Variants in ZNF208 observed in about 807,000 individuals in gnomAD.
The protein encoded by ZNF208 is zinc finger protein 208.
ZNF208 carries 10 observed loss-of-function variants against 12.1 expected under a neutral mutation model. The observed-to-expected ratio is 0.83, with a 90% CI of 0.51 to 1.40. The LOEUF (loss-of-function observed/expected upper bound fraction) is 1.40. ZNF208 is among the 40% of genes most tolerant of loss of function. The pLI is 0.00. For missense variants in ZNF208, 1,652 were observed against 1,485.0 expected (o/e 1.11, Z -1.85); for synonymous variants, 497 against 488.4 (o/e 1.02, Z -0.23).
rs1003430340 is a variant in ZNF208 at position 21,990,604 on chromosome 19, A to T, written c.4-1695T>A. On this transcript the variant is annotated intron_variant, in intron 1 of 3. Coordinates refer to ENST00000397126, the MANE Select transcript of ZNF208 (RefSeq NM_007153.3). ...CTTTTTTGGTTCCATATGAATTTTA[A>T]AGTAGTTTTTTCCAATTCTGTGAAG... Among the ~76,000 whole-genome samples the T allele has an allele frequency of 2.4e-4, 37 of 152,076 alleles. 1 individual carries two copies. Among genetic ancestry groups the T allele is most frequent in the Non-Finnish European group, 8.8e-5 (6 of 68,008 alleles).
chr19:22,002,493 T>C (rs62112871), intron 1 of ZNF208, among the ~76,000 whole-genome samples: 24,489 of 151,956 alleles, frequency 0.16, 2,147 homozygotes, highest in Middle Eastern at 0.2. Flanking sequence ...ACAACTTCAG[T>C]AAAGTCTCAG....
chr19:22,000,039 C>T (rs1160157816), intron 1 of ZNF208, among the ~76,000 whole-genome samples: 1 of 152,134 alleles, frequency 6.6e-6, no homozygotes, highest in Non-Finnish European at 1.5e-5. Context: ...TATAAAAAAA[C>T]TCCATGGGTT....
At chr19:21,994,294 C>T (rs946269899) in intron 1 of ZNF208, among the ~76,000 whole-genome samples, 7 of 152,110 alleles carry the variant, frequency 4.6e-5, no homozygotes, top group Admixed American at 1.3e-4. Flanking sequence ...AAAGTAAGAT[C>T]CTATAATACA....
Position 21,966,430 on chromosome 19 carries a change from A to G in ZNF208, c.*4761T>C, listed in dbSNP as rs1239999735. On this transcript the variant is annotated 3_prime_UTR_variant, in exon 4 of 4. Transcript: ENST00000397126. ...AGCTGCATTCATGTTGCTGCAAAAG[A>G]CGTTACTTCATTCTCTTCTGTTGCT... 1 of 152,148 alleles carries G rather than the reference A, an allele frequency of 6.6e-6. No individual in the cohort carries two copies. Among genetic ancestry groups the G allele is most frequent in the East Asian group, 1.9e-4 (1 of 5,200 alleles). 9.4% of individuals were successfully genotyped at this position (152,148 alleles called of 1,614,324 possible).
At chr19:21,993,144 C>T (rs1568453884) in intron 1 of ZNF208, among the ~76,000 whole-genome samples, 1 of 152,132 alleles carries the variant, frequency 6.6e-6, no homozygotes, top group Non-Finnish European at 1.5e-5. Context: ...AAGAGATTAA[C>T]AAAGAGTAGC....
At chr19:21,992,712 T>C (rs1385248417) in intron 1 of ZNF208, among the ~76,000 whole-genome samples, 1 of 152,204 alleles carries the variant, frequency 6.6e-6, no homozygotes, top group East Asian at 1.9e-4. Flanking sequence ...GATTTCTGCA[T>C]GGCATAGAAG....
At chr19:21,965,760 C>G (rs554910377), downstream of ZNF208, 18 of 150,672 alleles carry the variant, frequency 1.2e-4, no homozygotes, top group African/African-American at 4.4e-4. Flanking sequence ...AGTAATTTAG[C>G]ATAATTTTTA....
At position 21,972,328 on chromosome 19, in the gene ZNF208, G is replaced by A. The variant is rs554213637; in HGVS notation, c.2706C>T (p.Ser902=). The part of the protein sequence containing the change: ...EECGKGFSMF[S]ILTKHEVIHT... ...GAATTACCTCATGTTTAGTAAGGATGGAGAACATACTAAAACCTTTGCCAC... is the reference window on the plus strand; with the variant it reads ...GAATTACCTCATGTTTAGTAAGGATAGAGAACATACTAAAACCTTTGCCAC... The change falls in exon 4 of 4, where the codon TCC becomes TCT. Residue 902 remains serine, a synonymous_variant. Coordinates refer to ENST00000397126, the MANE Select transcript of ZNF208 (RefSeq NM_007153.3). 6.4e-7 allele frequency: 1 copy of A among 1,568,624 alleles called. No homozygotes were observed. The highest frequency in any genetic ancestry group is 2.3e-5 in the East Asian group (1 of 43,030).
intron 4 of ZNF208, among the ~76,000 whole-genome samples, chr19:21,960,795 C>G (rs4932854): frequency 0.14 from 21,740 of 152,138 alleles, 1,700 homozygotes; most frequent in Admixed American, 0.22. Context: ...CTGTGTGAAA[C>G]TAGAAAAAGA....
chr19:21,980,535 C>T (rs1481090532), intron 3 of ZNF208, among the ~76,000 whole-genome samples: 1 of 152,064 alleles, frequency 6.6e-6, no homozygotes, highest in Non-Finnish European at 1.5e-5. Context: ...AACAAAGACA[C>T]AACACACCAG....
At chr19:21,964,750 T>C (rs1970135478), downstream of ZNF208, among the ~76,000 whole-genome samples, 2 of 151,866 alleles carry the variant, frequency 1.3e-5, no homozygotes, top group Admixed American at 1.3e-4. Context: ...GAGTGGTCTA[T>C]AGTTTCTGAG....
chr19:21,962,855 A>T (rs553783768), downstream of ZNF208, among the ~76,000 whole-genome samples: 1 of 152,118 alleles, frequency 6.6e-6, no homozygotes, highest in Non-Finnish European at 1.5e-5. Flanking sequence ...TTTGACCAAA[A>T]TCTAGCAAAC....
chr19:21,962,600 T>G (rs1460104481), downstream of ZNF208, among the ~76,000 whole-genome samples: 2 of 152,128 alleles, frequency 1.3e-5, no homozygotes, highest in East Asian at 3.9e-4. Flanking sequence ...AAAAAAGAGA[T>G]GCAAAGAAGA....
intron 1 of ZNF208, among the ~76,000 whole-genome samples, chr19:22,000,933 G>C (rs1159609159): frequency 6.6e-6 from 1 of 151,976 alleles, no homozygotes; most frequent in Non-Finnish European, 1.5e-5. Flanking sequence ...ACGAAATCTA[G>C]AAGAAATGAA....
downstream of ZNF208, among the ~76,000 whole-genome samples, chr19:21,962,301 G>A (rs886976969): frequency 1.3e-5 from 2 of 152,102 alleles, no homozygotes; most frequent in African/African-American, 4.8e-5. Context: ...CTGAGGTCTA[G>A]CTGTATGGTG....
At chr19:21,976,060 A>G (rs1173585167) in intron 3 of ZNF208, among the ~76,000 whole-genome samples, 3 of 152,118 alleles carry the variant, frequency 2.0e-5, no homozygotes, top group Non-Finnish European at 4.4e-5. Context: ...ATTTTCTAGG[A>G]AAGACATGCA....
chr19:21,945,296 T>C (rs1262161419), intron 4 of ZNF208, among the ~76,000 whole-genome samples: 2 of 152,224 alleles, frequency 1.3e-5, no homozygotes, highest in Non-Finnish European at 2.9e-5. Context: ...CTGGGTATTC[T>C]GCACCTAACC....
chr19:21,987,415 T>A, intron 2 of ZNF208, 104 bp from the exon 3 acceptor site: 1 of 1,154,466 alleles, frequency 8.7e-7, no homozygotes, highest in Non-Finnish European at 1.1e-6. Context: ...TCTAATAGAT[T>A]TATCCCAAAA....
chr19:21,962,116 T>C (rs1308831337), downstream of ZNF208, among the ~76,000 whole-genome samples: 2 of 152,124 alleles, frequency 1.3e-5, no homozygotes, highest in South Asian at 2.1e-4. Context: ...TATAAGAGTG[T>C]TTTTAGGGAA....
Sources: allele counts gnomAD v4.1 joint callset (sites outside exome capture counted in the v4.1 genomes callset), GRCh38; gene constraint gnomAD v4.1.1; transcripts MANE v1.5; gene names NCBI Gene and HGNC (gene_info 2026-07-23, HGNC 2026-07-21).